The following TOB2 variants were observed in gnomAD, a reference collection of about 807,000 sequenced individuals.
TOB2 encodes the protein protein Tob2.
A neutral mutation model predicts 17.3 loss-of-function variants in TOB2; 3 were observed. The observed-to-expected ratio is 0.17, with a 90% CI of 0.08 to 0.45. The LOEUF (loss-of-function observed/expected upper bound fraction) is 0.45, where lower values mean the gene tolerates loss of function less well. Among genes scored for constraint, TOB2 ranks in the 20% least tolerant of loss-of-function variants. The pLI is 0.99. For synonymous variants in TOB2, 163 were observed against 185.6 expected, an observed-to-expected ratio of 0.88 and a Z score of 0.99; for missense variants, 407 against 445.7, an observed-to-expected ratio of 0.91 and a Z score of 0.78.
chr22:41,434,015 ATATAT>A lies in TOB2; in HGVS notation c.*2291_*2295del, dbSNP rs948068204. The A allele has an allele frequency of 1.1e-4, 24 of 225,358 alleles. No homozygotes were observed. Among genetic ancestry groups the A allele is most frequent in the East Asian group, 7.9e-4 (8 of 10,120 alleles). 14.0% of individuals were successfully genotyped at this position (225,358 alleles called of 1,614,324 possible). ...TATGTTTTTTACGTTAGAAATATAC[ATATAT>A]TATATACCTCTTACATTTTACAAAT... On this transcript the variant is annotated 3_prime_UTR_variant, in exon 2 of 2. Coordinates refer to ENST00000327492, the MANE Select transcript of TOB2 (RefSeq NM_016272.4).
chr22:41,436,959 G>A lies in TOB2; in HGVS notation c.387C>T (p.Ile129=). The A allele has an allele frequency of 6.2e-7, 1 of 1,614,180 alleles. No homozygotes were observed. The highest frequency in any genetic ancestry group is 2.2e-5 in the East Asian group (1 of 44,880). Residue 129 remains isoleucine (I), a synonymous_variant, in exon 2 of 2, where the codon ATC becomes ATT. Transcript: ENST00000327492. The surrounding 1 kb of genome is among the most constrained non-coding windows in gnomAD (Gnocchi z 4.8). ...GGGCGTCAGGGTTGAAGCTGCTCTT[G>A]ATCTCCTTGTCCAGCTCTGGGGCAC... is the stretch of plus-strand genomic sequence containing the variant. ...GCGAPELDKE[I]KSSFNPDAQV...
At chr22:41,446,026 G>A (rs1381720573) in intron 1 of TOB2, among the ~76,000 whole-genome samples, 1 of 152,178 alleles carries the variant, frequency 6.6e-6, no homozygotes, top group African/African-American at 2.4e-5. Context: ...GGTGGGGGGA[G>A]TTATGTTTCT....
Position 41,436,381 on chromosome 22 carries a change from C to T in TOB2, c.965G>A (p.Gly322Asp). Residue 322 changes from glycine to aspartate, a missense_variant, in exon 2 of 2, where the codon GGC becomes GAC. Gly to Asp is a moderately conservative substitution (Grantham distance 94). Coordinates refer to ENST00000327492, the MANE Select transcript of TOB2 (RefSeq NM_016272.4). The surrounding 1 kb of genome is among the most constrained non-coding windows in gnomAD (Gnocchi z 4.8). ...CATGGTGTTCAGGTTGTAGCTGAGG[C>T]CTTCCACAAAGGGTGTCTTCTCCAG... The part of the protein sequence containing the change: ...LFLEKTPFVE[G>D]LSYNLNTMQY... The T allele has an allele frequency of 6.2e-7, 1 of 1,613,364 alleles. No individual in the cohort carries two copies. Among genetic ancestry groups the T allele is most frequent in the Non-Finnish European group, 8.5e-7 (1 of 1,179,574 alleles).
chr22:41,435,917 G>C lies in TOB2; in HGVS notation c.*394C>G, dbSNP rs2037540571. ...GCAGCTCTTTCTTCCCTATGAGCTT[G>C]GACACATCAATCCTAAACTAGGAGT... On this transcript the variant is annotated 3_prime_UTR_variant, in exon 2 of 2. Coordinates refer to ENST00000327492, the MANE Select transcript of TOB2 (RefSeq NM_016272.4). 1 of 160,296 alleles carries C rather than the reference G, an allele frequency of 6.2e-6. No homozygotes were observed. The highest frequency in any genetic ancestry group is 1.9e-4 in the South Asian group (1 of 5,286). The allele number at this position is 160,296 out of a possible 1,614,324, so 9.9% of individuals were successfully genotyped here.
chr22:41,446,042 G>A (rs2146043701), intron 1 of TOB2, among the ~76,000 whole-genome samples: 1 of 152,262 alleles, frequency 6.6e-6, no homozygotes, highest in East Asian at 1.9e-4. Flanking sequence ...TTTCTTTGGA[G>A]AACAAGGAAG....
At position 41,437,204 on chromosome 22, in the gene TOB2, T is replaced by C; in HGVS notation, c.142A>G (p.Lys48Glu). The change falls in exon 2 of 2, where the codon AAG (lysine) becomes GAG (glutamate). Residue 48 changes from lysine to glutamate, a missense_variant. By Grantham distance (56) the Lys-to-Glu change is moderately conservative. Transcript: ENST00000327492. ...CGGAAGCCAGAGCCTTTCAGTGGCT[T>C]CTCAGGGTACCAGTGGCCTTCATAT... Reference protein sequence around the residue: ...KKYEGHWYPEKPLKGSGFRCV... With the variant: ...KKYEGHWYPEEPLKGSGFRCV... 1.2e-6 allele frequency: 2 copies of C among 1,614,066 alleles called. No homozygotes were observed. The highest frequency in any genetic ancestry group is 8.5e-7 in the Non-Finnish European group (1 of 1,180,008).
intron 1 of TOB2, among the ~76,000 whole-genome samples, chr22:41,442,529 G>A (rs565944335): frequency 1.8e-4 from 27 of 152,294 alleles, no homozygotes; most frequent in African/African-American, 6.5e-4. Flanking sequence ...CAGTGATGTT[G>A]CCGCACAAAT....
intron 1 of TOB2, among the ~76,000 whole-genome samples, chr22:41,442,093 TCA>T (rs2037626672): frequency 1.3e-5 from 1 of 77,562 alleles, no homozygotes. Context: ...AAATTCTGCC[TCA>T]AAAAAAAAAA....
chr22:41,442,769 A>AT (rs1272858600), intron 1 of TOB2, among the ~76,000 whole-genome samples: 1 of 152,184 alleles, frequency 6.6e-6, no homozygotes, highest in Non-Finnish European at 1.5e-5. Flanking sequence ...GAGTTTGTTC[A>AT]TTTTTTAAAA....
intron 1 of TOB2, among the ~76,000 whole-genome samples, chr22:41,444,444 G>A (rs2037657767): frequency 6.6e-6 from 1 of 152,240 alleles, no homozygotes; most frequent in South Asian, 2.1e-4. Context: ...GGAGAGGCGG[G>A]CGGTGAGGGC....
chr22:41,438,959 G>A (rs1395962673), intron 1 of TOB2, among the ~76,000 whole-genome samples: 3 of 152,082 alleles, frequency 2.0e-5, no homozygotes, highest in Non-Finnish European at 2.9e-5. Flanking sequence ...TGAGATCCCC[G>A]GAGAGAAGGC....
intron 1 of TOB2, among the ~76,000 whole-genome samples, chr22:41,437,823 G>A (rs2146031040): frequency 6.6e-6 from 1 of 151,994 alleles, no homozygotes; most frequent in South Asian, 2.1e-4. Flanking sequence ...AGTGGCGCAT[G>A]CCTGTAGTCT....
chr22:41,436,187 T>C lies in TOB2; in HGVS notation c.*124A>G, dbSNP rs2037544324. The C allele has an allele frequency of 1.5e-6, 2 of 1,308,882 alleles. No individual in the cohort carries two copies. Among genetic ancestry groups the C allele is most frequent in the African/African-American group, 1.5e-5 (1 of 67,500 alleles). The allele number at this position is 1,308,882 out of a possible 1,614,324, so 81.1% of individuals were successfully genotyped here. A position where few individuals can be genotyped will look rare whatever the true frequency, so the allele number is the denominator to read the frequency against. ...TTCCGTGCCTGGGCTGGATCTTTTTTCTAGAAGTAAGAGTGAGAAGATCGA... is the reference window on the plus strand; with the variant it reads ...TTCCGTGCCTGGGCTGGATCTTTTTCCTAGAAGTAAGAGTGAGAAGATCGA... On this transcript the variant is annotated 3_prime_UTR_variant, in exon 2 of 2. Coordinates refer to ENST00000327492, the MANE Select transcript of TOB2 (RefSeq NM_016272.4). The surrounding 1 kb of genome is among the most constrained non-coding windows in gnomAD (Gnocchi z 4.8).
intron 1 of TOB2, among the ~76,000 whole-genome samples, chr22:41,443,793 TTG>T (rs199684184): frequency 0.012 from 1,767 of 151,910 alleles, 38 homozygotes; most frequent in African/African-American, 0.041. Flanking sequence ...CCGGCTAATT[TTG>T]TATTTTTAGC....
chr22:41,436,825 A>C lies in TOB2; in HGVS notation c.521T>G (p.Ile174Ser). 4 of 1,613,938 alleles carry C rather than the reference A, an allele frequency of 2.5e-6. No individual in the cohort carries two copies. Among genetic ancestry groups the C allele is most frequent in the Non-Finnish European group, 3.4e-6 (4 of 1,179,900 alleles). Residue 174 changes from isoleucine (I) to serine (S), a missense_variant, in exon 2 of 2, where the codon ATC becomes AGC. Physicochemically the swap from Ile to Ser is moderately radical, Grantham distance 142. Coordinates refer to ENST00000327492, the MANE Select transcript of TOB2 (RefSeq NM_016272.4). This position sits in a 1 kb window ranked among gnomAD's most constrained non-coding sequence, Gnocchi z 4.8. ...AGCGAAGGAGGCGGTGGTGAAGGTG[A>C]TGGGCTGAGCGGAGCGGGGAATGAA... ...PTFIPRSAQPITFTTASFAAT... is the reference protein window; with the variant it reads ...PTFIPRSAQPSTFTTASFAAT...
chr22:41,433,850 C>T lies in TOB2; in HGVS notation c.*2461G>A, dbSNP rs1025944107. Reference sequence around the variant, plus strand: ...AAGATAATCCACCTTTTGATTTGTTCCTGGGAAAGAGGGATAGATAGAGGA... The same window carrying T: ...AAGATAATCCACCTTTTGATTTGTTTCTGGGAAAGAGGGATAGATAGAGGA... On this transcript the variant is annotated 3_prime_UTR_variant, in exon 2 of 2. Transcript: ENST00000327492. 9 of 444,732 alleles carry T rather than the reference C, an allele frequency of 2.0e-5. No individual in the cohort carries two copies. The highest frequency in any genetic ancestry group is 3.8e-5 in the Non-Finnish European group (8 of 212,844). 27.5% of individuals were successfully genotyped at this position (444,732 alleles called of 1,614,324 possible).
rs1284580322 is a variant in TOB2 at position 41,435,712 on chromosome 22, C to T, written c.*599G>A. 1 of 152,808 alleles carries T rather than the reference C, an allele frequency of 6.5e-6. No individual in the cohort carries two copies. The highest frequency in any genetic ancestry group is 1.5e-5 in the Non-Finnish European group (1 of 68,180). 9.5% of individuals were successfully genotyped at this position (152,808 alleles called of 1,614,324 possible). A position where few individuals can be genotyped will look rare whatever the true frequency, so the allele number is the denominator to read the frequency against. ...CAGGGGGAGGGTGTCAAGTGGCCAG[C>T]CAGCAACTCCCTGTGGCCCAGCCTG... On this transcript the variant is annotated 3_prime_UTR_variant, in exon 2 of 2. Coordinates refer to ENST00000327492, the MANE Select transcript of TOB2 (RefSeq NM_016272.4).
chr22:41,436,395 T>C lies in TOB2; in HGVS notation c.951A>G (p.Thr317=). ...TGTAGCTGAGGCCTTCCACAAAGGG[T>C]GTCTTCTCCAGGAAGAGGCTGTTGG... The part of the protein sequence containing the change: ...GGANSLFLEK[T]PFVEGLSYNL... Residue 317 remains threonine, a synonymous_variant, in exon 2 of 2, where the codon ACA becomes ACG. Coordinates refer to ENST00000327492, the MANE Select transcript of TOB2 (RefSeq NM_016272.4). The surrounding 1 kb of genome is among the most constrained non-coding windows in gnomAD (Gnocchi z 4.8). 6.2e-7 allele frequency: 1 copy of C among 1,613,886 alleles called. No homozygotes were observed. The highest frequency in any genetic ancestry group is 8.5e-7 in the Non-Finnish European group (1 of 1,179,882).
rs2037533445 is a variant in TOB2, at chr22:41,435,319, G to A, written c.*992C>T. The A allele has an allele frequency of 2.0e-5, 3 of 152,234 alleles. No individual in the cohort carries two copies. Among genetic ancestry groups the A allele is most frequent in the African/African-American group, 7.2e-5 (3 of 41,432 alleles). 9.4% of individuals were successfully genotyped at this position (152,234 alleles called of 1,614,324 possible). A position where few individuals can be genotyped will look rare whatever the true frequency, so the allele number is the denominator to read the frequency against. ...GAGTGTCTTGGGCTAAGCCACAGCG[G>A]TGTCACCCCACCACACACACTGCCC... On this transcript the variant is annotated 3_prime_UTR_variant, in exon 2 of 2. Transcript: ENST00000327492.
Sources: allele counts gnomAD v4.1 joint callset (sites outside exome capture counted in the v4.1 genomes callset), GRCh38; gene constraint gnomAD v4.1.1; non-coding constraint Gnocchi (gnomAD v3.1); transcripts MANE v1.5; gene names NCBI Gene and HGNC (gene_info 2026-07-23, HGNC 2026-07-21).